RAPGEF1: variants seen among roughly 807,000 people sequenced by gnomAD.
RAPGEF1 encodes CRK SH3-binding GNRP.
RAPGEF1 carries 33 observed loss-of-function variants against 143.3 expected under a neutral mutation model. The observed-to-expected ratio is 0.23, with a 90% CI of 0.17 to 0.31. The LOEUF is 0.31. Among genes scored for constraint, RAPGEF1 ranks in the 10% least tolerant of loss-of-function variants. The pLI is 1.00. For synonymous variants in RAPGEF1, 629 were observed against 676.5 expected (o/e 0.93, Z 1.09); for missense variants, 1,199 against 1,645.4 (o/e 0.73, Z 4.69).
At chr9:131,652,000 T>A (rs1971183959) in intron 1 of RAPGEF1, among the ~76,000 whole-genome samples, 1 of 152,208 alleles carries the variant, frequency 6.6e-6, no homozygotes, top group Admixed American at 6.5e-5. Flanking sequence ...GTAAATGGTA[T>A]AAAAGATTAA....
chr9:131,719,638 T>C (rs1180653089), intron 1 of RAPGEF1, among the ~76,000 whole-genome samples: 1 of 148,454 alleles, frequency 6.7e-6, no homozygotes, highest in East Asian at 2.1e-4. Context: ...ATTAGGCACT[T>C]AGCCCATGCA....
Position 131,591,006 on chromosome 9 carries a change from T to C in RAPGEF1, c.2775-1028A>G, listed in dbSNP as rs534563654. Among the ~76,000 whole-genome samples, 17 of 152,306 alleles carry C rather than the reference T, an allele frequency of 1.1e-4. 1 individual carries two copies. In the South Asian group the frequency reaches 3.5e-3, roughly 32 times the overall value. ...ACACCCACACACACATATTAAAAAA[T>C]GGTCATAGAGCTAGGGCTAGGTGAA... On this transcript the variant is annotated intron_variant, in intron 18 of 26. Transcript: ENST00000683357.
chr9:131,663,199 A>T (rs1324952321), intron 1 of RAPGEF1, among the ~76,000 whole-genome samples: 1 of 152,166 alleles, frequency 6.6e-6, no homozygotes, highest in Non-Finnish European at 1.5e-5. Flanking sequence ...TCAACCGTTA[A>T]CATTTTGCCA....
At chr9:131,596,043 C>G (rs994531835) in intron 17 of RAPGEF1, among the ~76,000 whole-genome samples, 3 of 152,146 alleles carry the variant, frequency 2.0e-5, no homozygotes, top group African/African-American at 7.2e-5. Context: ...ATGCGCTGAG[C>G]CCCTCAAGGA....
chr9:131,681,244 T>A (rs1832882950), intron 1 of RAPGEF1, among the ~76,000 whole-genome samples: 1 of 152,138 alleles, frequency 6.6e-6, no homozygotes, highest in African/African-American at 2.4e-5. Context: ...CCTCCAGATC[T>A]TTCTTTTCCG....
At chr9:131,585,374 T>G in intron 22 of RAPGEF1, among the ~76,000 whole-genome samples, 1 of 150,834 alleles carries the variant, frequency 6.6e-6, no homozygotes, top group South Asian at 2.1e-4. Flanking sequence ...GGGGGGGGCG[T>G]CTCTCTATGT....
At chr9:131,708,851 CT>C (rs1347126001) in intron 1 of RAPGEF1, among the ~76,000 whole-genome samples, 1 of 152,084 alleles carries the variant, frequency 6.6e-6, no homozygotes, top group Non-Finnish European at 1.5e-5. Flanking sequence ...CTGTCTCAGC[CT>C]TATGCCTGTA....
chr9:131,608,022 C>T (rs553782687), intron 12 of RAPGEF1, among the ~76,000 whole-genome samples: 3 of 152,336 alleles, frequency 2.0e-5, no homozygotes, highest in South Asian at 2.1e-4. Flanking sequence ...CACAGGGCAG[C>T]GGCTGACTGC....
intron 1 of RAPGEF1, among the ~76,000 whole-genome samples, chr9:131,704,026 G>A (rs1400125305): frequency 6.6e-6 from 1 of 152,052 alleles, no homozygotes; most frequent in Non-Finnish European, 1.5e-5. Flanking sequence ...TGTATGCTAA[G>A]GGCTATAACC....
chr9:131,720,419 C>A (rs12684414), intron 1 of RAPGEF1, among the ~76,000 whole-genome samples: 1 of 152,030 alleles, frequency 6.6e-6, no homozygotes, highest in Non-Finnish European at 1.5e-5. Flanking sequence ...AGATACCCCC[C>A]ACCTCTACCA....
At chr9:131,612,539 CA>C (rs1227017890) in intron 12 of RAPGEF1, among the ~76,000 whole-genome samples, 32 of 152,318 alleles carry the variant, frequency 2.1e-4, no homozygotes, top group Non-Finnish European at 2.9e-4. Flanking sequence ...CCCTACTGCC[CA>C]CAGTAAGGCA....
At chr9:131,733,875 A>G (rs947530048) in intron 1 of RAPGEF1, among the ~76,000 whole-genome samples, 1 of 152,176 alleles carries the variant, frequency 6.6e-6, no homozygotes, top group African/African-American at 2.4e-5. Flanking sequence ...CAGACCTCCT[A>G]TAAGGTCTCT....
intron 1 of RAPGEF1, among the ~76,000 whole-genome samples, chr9:131,652,332 C>A (rs995559968): frequency 6.6e-6 from 1 of 152,016 alleles, no homozygotes; most frequent in African/African-American, 2.4e-5. Flanking sequence ...CTCACCACAG[C>A]CTGGAATTCC....
At position 131,617,477 on chromosome 9, in the gene RAPGEF1, C is replaced by A. The variant is rs576839860; in HGVS notation, c.2061+1574G>T. Among the ~76,000 whole-genome samples, 3 of 152,328 alleles carry A rather than the reference C, an allele frequency of 2.0e-5. No homozygotes were observed. In the South Asian group the frequency reaches 6.2e-4, roughly 32 times the overall value. The stretch of plus-strand genomic sequence containing the variant: ...GGCATTGGACTGCCCACCCTGGGCA[C>A]AGATGGAAACCAGACAAGACCAAAC... On this transcript the variant is annotated intron_variant, in intron 12 of 26. Coordinates refer to ENST00000683357, the MANE Select transcript of RAPGEF1 (RefSeq NM_001377935.1).
chr9:131,598,400 G>A (rs372539206), intron 15 of RAPGEF1, 90 bp from the exon 16 acceptor site: 12 of 1,067,628 alleles, frequency 1.1e-5, no homozygotes, highest in Non-Finnish European at 1.6e-5. Flanking sequence ...TGCACGGCTC[G>A]AAACCGCTCC....
Position 131,655,484 on chromosome 9 carries a change from C to T in RAPGEF1, c.62-4535G>A, listed in dbSNP as rs1052428375. On this transcript the variant is annotated intron_variant, in intron 1 of 26. Transcript: ENST00000683357. This position sits in a 1 kb window ranked among gnomAD's most constrained non-coding sequence, Gnocchi z 4.1. ...ACTTCTCCCGCTCCCCTCTGTCCTG[C>T]CTCTTCTCTCTCTTCACCCAAGCAG... 2.6e-5 allele frequency among the ~76,000 whole-genome samples: 4 copies of T among 152,352 alleles called. No homozygotes were observed. Among genetic ancestry groups the T allele is most frequent in the African/African-American group, 7.2e-5 (3 of 41,582 alleles).
At chr9:131,598,059 G>A in intron 16 of RAPGEF1, 140 bp downstream of exon 16, 1 of 695,038 alleles carries the variant, frequency 1.4e-6, no homozygotes, top group Non-Finnish European at 2.5e-6. Flanking sequence ...ACAGCCCAGA[G>A]GCTCACCAGG....
rs976065066 is a variant in RAPGEF1, at chr9:131,613,236, G to A, written c.2061+5815C>T. Among the ~76,000 whole-genome samples, 101 of 129,270 alleles carry A rather than the reference G, an allele frequency of 7.8e-4. 2 individuals are homozygous for A. The highest frequency in any genetic ancestry group is 2.6e-4 in the Non-Finnish European group (16 of 62,058). The allele number at this position is 129,270 out of a possible 152,430, so 84.8% of individuals were successfully genotyped here. On this transcript the variant is annotated intron_variant, in intron 12 of 26. Transcript: ENST00000683357. ...CGGTGTGCTCAGGTTCATACAGCAA[G>A]TAAGGAGAAAACACGGTGGGGGAGA... is the stretch of plus-strand genomic sequence containing the variant.
At chr9:131,634,464 G>A (rs1001112430) in intron 5 of RAPGEF1, among the ~76,000 whole-genome samples, 1 of 152,012 alleles carries the variant, frequency 6.6e-6, no homozygotes, top group Non-Finnish European at 1.5e-5. Context: ...TGTCATCCCA[G>A]CACTTTGGGA....
Sources: gnomAD v4.1 joint callset for allele counts (sites outside exome capture counted in the v4.1 genomes callset) on GRCh38, gnomAD v4.1.1 for gene constraint, Gnocchi (gnomAD v3.1) non-coding constraint, MANE v1.5 for transcripts, NCBI Gene and HGNC (gene_info 2026-07-23, HGNC 2026-07-21) for gene names.